The following ARHGAP21 variants were observed in gnomAD, a reference collection of about 807,000 sequenced individuals.
ARHGAP21 encodes the protein Rho GTPase activating protein 21.
In ARHGAP21, 38 loss-of-function variants were observed where a neutral mutation model predicts 164.6. The observed-to-expected ratio is 0.23, with a 90% CI of 0.18 to 0.30. The LOEUF is 0.30. Ranked by LOEUF, ARHGAP21 falls within the 10% of genes least tolerant of loss-of-function variation. ARHGAP21 has a pLI of 1.00. For missense variants in ARHGAP21, 1,822 were observed against 2,370.7 expected (o/e 0.77, Z 4.81); for synonymous variants, 766 against 857.9 (o/e 0.89, Z 1.87).
At chr10:24,647,412 G>C (rs1156648054) in intron 4 of ARHGAP21, among the ~76,000 whole-genome samples, 2 of 152,172 alleles carry the variant, frequency 1.3e-5, no homozygotes, top group African/African-American at 2.4e-5. Flanking sequence ...TAGCAGCTAT[G>C]GGAAACTGAT....
chr10:24,672,567 A>C (rs1326191153), intron 2 of ARHGAP21, among the ~76,000 whole-genome samples: 2 of 152,252 alleles, frequency 1.3e-5, no homozygotes, highest in African/African-American at 4.8e-5. Flanking sequence ...TATGTATCTT[A>C]AACTTAACAT....
rs1399693842 is a variant in ARHGAP21, at chr10:24,585,237, A to G, written c.5052T>C (p.Ser1684=). The G allele has an allele frequency of 6.2e-7, 1 of 1,605,774 alleles. No homozygotes were observed. The highest frequency in any genetic ancestry group is 1.7e-5 in the Admixed American group (1 of 59,882). Residue 1684 remains serine, a synonymous_variant, in exon 26 of 26, where the codon AGT becomes AGC. Transcript: ENST00000396432. ...LSCTEGSLTS[S]LDSRRQLFSS... ...TGAAGAGCTGTCTCCGGCTATCTAAACTTGATGTTAAACTTCCCTCGGTGC... is the reference window on the plus strand; with the variant it reads ...TGAAGAGCTGTCTCCGGCTATCTAAGCTTGATGTTAAACTTCCCTCGGTGC...
At chr10:24,697,424 T>C (rs918685693) in intron 2 of ARHGAP21, among the ~76,000 whole-genome samples, 1 of 152,082 alleles carries the variant, frequency 6.6e-6, no homozygotes, top group Non-Finnish European at 1.5e-5. Flanking sequence ...CACTTTCCTA[T>C]CCCATCTTTT....
chr10:24,690,506 C>T (rs1593299850), intron 2 of ARHGAP21, among the ~76,000 whole-genome samples: 1 of 152,036 alleles, frequency 6.6e-6, no homozygotes, highest in African/African-American at 2.4e-5. Context: ...ATATAACATG[C>T]TATTCTAAGT....
At chr10:24,649,908 T>C (rs1565095487) in intron 4 of ARHGAP21, among the ~76,000 whole-genome samples, 1 of 152,062 alleles carries the variant, frequency 6.6e-6, no homozygotes, top group East Asian at 1.9e-4. Context: ...CTATAAGAAG[T>C]GATCAAGCAT....
At chr10:24,665,315 A>C (rs2131718917) in intron 4 of ARHGAP21, among the ~76,000 whole-genome samples, 1 of 152,292 alleles carries the variant, frequency 6.6e-6, no homozygotes, top group Middle Eastern at 3.4e-3. Context: ...TGCAAAAAAA[A>C]AAAAGGCCAT....
chr10:24,638,944 T>C (rs1259850074), intron 4 of ARHGAP21, among the ~76,000 whole-genome samples: 2 of 152,146 alleles, frequency 1.3e-5, no homozygotes, highest in Non-Finnish European at 1.5e-5. Flanking sequence ...ACACTACACT[T>C]GAAATCAGAA....
chr10:24,701,813 T>C (rs535196969), intron 2 of ARHGAP21, among the ~76,000 whole-genome samples: 2 of 152,196 alleles, frequency 1.3e-5, no homozygotes, highest in Non-Finnish European at 2.9e-5. Flanking sequence ...TACTCGATGC[T>C]GAGCTGAAAA....
Position 24,584,623 on chromosome 10 carries a change from G to A in ARHGAP21, c.5666C>T (p.Pro1889Leu). ...GCCTGTGTTGCAATGAAGAGACAAA[G>A]GTGTGTCGGTCGTGGCTATTTCTCG... ...STREIATTDT[P>L]LSLHCNTGSS... Residue 1889 changes from proline to leucine, a missense_variant, in exon 26 of 26, where the codon CCT (proline) becomes CTT (leucine). This residue lies in a region of ARHGAP21 where 165 missense variants were observed against 176.6 expected (regional missense o/e 0.93). Coordinates refer to ENST00000396432, the MANE Select transcript of ARHGAP21 (RefSeq NM_020824.4). 10 of 1,613,968 alleles carry A rather than the reference G, an allele frequency of 6.2e-6. No homozygotes were observed. Among genetic ancestry groups the A allele is most frequent in the Non-Finnish European group, 8.5e-6 (10 of 1,179,868 alleles).
chr10:24,589,553 A>C (rs1023064188), intron 24 of ARHGAP21: 6 of 429,708 alleles, frequency 1.4e-5, no homozygotes, highest in Non-Finnish European at 2.5e-5. Flanking sequence ...GCCCTGTGCT[A>C]AACAAAAACA....
chr10:24,653,118 G>A (rs1593172908), intron 4 of ARHGAP21, among the ~76,000 whole-genome samples: 1 of 152,100 alleles, frequency 6.6e-6, no homozygotes, highest in African/African-American at 2.4e-5. Flanking sequence ...TTTAAGTGCA[G>A]GGTTCAATAA....
rs761888780 is a variant in ARHGAP21 at position 24,620,771 on chromosome 10, T to C, written c.1124A>G (p.His375Arg). Reference sequence around the variant, plus strand: ...GTGCTGATGGGAATTTGGCGAATAGTGATTAACAGATACAGAGGGAGCCTC... The same window carrying C: ...GTGCTGATGGGAATTTGGCGAATAGCGATTAACAGATACAGAGGGAGCCTC... ...AVEAPSVSVN[H>R]YSPNSHQHID... The change falls in exon 9 of 26, where the codon CAC (histidine) becomes CGC (arginine). Residue 375 changes from histidine (H) to arginine (R), a missense_variant. Around this residue, in one of 5 missense-constraint regions of ARHGAP21, gnomAD observed 1,090 missense variants for 1,378.9 expected, o/e 0.79. Coordinates refer to ENST00000396432, the MANE Select transcript of ARHGAP21 (RefSeq NM_020824.4). The C allele has an allele frequency of 6.2e-7, 1 of 1,614,182 alleles. No individual in the cohort carries two copies. The highest frequency in any genetic ancestry group is 8.5e-7 in the Non-Finnish European group (1 of 1,180,042).
intron 4 of ARHGAP21, among the ~76,000 whole-genome samples, chr10:24,661,470 A>G (rs2131675580): frequency 6.6e-6 from 1 of 152,344 alleles, no homozygotes; most frequent in Non-Finnish European, 1.5e-5. Context: ...TAAGTGGCAA[A>G]AGAGATTTCA....
intron 12 of ARHGAP21, among the ~76,000 whole-genome samples, chr10:24,604,020 G>A (rs1481034356): frequency 6.6e-6 from 1 of 151,050 alleles, no homozygotes; most frequent in Non-Finnish European, 1.5e-5. Context: ...GGAAGTATGA[G>A]GGGAGGGAGA....
chr10:24,676,599 T>C (rs969618316), intron 2 of ARHGAP21, among the ~76,000 whole-genome samples: 8 of 152,210 alleles, frequency 5.3e-5, no homozygotes, highest in African/African-American at 1.9e-4. Flanking sequence ...ATTCAGGTGA[T>C]GGTTATGCTA....
At chr10:24,636,525 CT>C (rs1836402517) in intron 4 of ARHGAP21, among the ~76,000 whole-genome samples, 1 of 152,178 alleles carries the variant, frequency 6.6e-6, no homozygotes, top group African/African-American at 2.4e-5. Flanking sequence ...CATGATACTA[CT>C]TGTTAAACAG....
intron 7 of ARHGAP21, chr10:24,628,894 C>CATAA (rs1325883820): frequency 1.1e-5 from 1 of 87,040 alleles, no homozygotes; most frequent in Admixed American, 1.5e-4. Flanking sequence ...CATATATATA[C>CATAA]ATACATATAT....
intron 4 of ARHGAP21, among the ~76,000 whole-genome samples, chr10:24,665,583 T>A (rs554822968): frequency 2.0e-5 from 3 of 152,144 alleles, no homozygotes; most frequent in African/African-American, 7.2e-5. Flanking sequence ...AAAAATCAGA[T>A]CAGTGATTGT....
chr10:24,597,645 T>C (rs1318553898), intron 15 of ARHGAP21, 62 bp from the exon 16 acceptor site: 1 of 1,590,858 alleles, frequency 6.3e-7, no homozygotes, highest in Non-Finnish European at 8.6e-7. Context: ...ATGGTTTCAG[T>C]TACCCGTGGT....
Sources: gnomAD v4.1 joint callset for allele counts (sites outside exome capture counted in the v4.1 genomes callset) on GRCh38, gnomAD v4.1.1 for gene constraint, gnomAD v4.1.1 regional missense constraint, MANE v1.5 for transcripts, NCBI Gene and HGNC (gene_info 2026-07-23, HGNC 2026-07-21) for gene names.